The following ZNF26 variants were observed in gnomAD, a reference collection of about 807,000 sequenced individuals.
ZNF26 encodes zinc finger protein 26, also known as epididymis luminal protein 179.
ZNF26 carries 32 observed loss-of-function variants against 54.9 expected under a neutral mutation model. The observed-to-expected ratio is 0.58, with a 90% CI of 0.44 to 0.78. ZNF26 has a LOEUF of 0.78. Among genes scored for constraint, ZNF26 ranks in the 30% least tolerant of loss-of-function variants. The pLI, the probability that ZNF26 is intolerant of heterozygous loss-of-function variation, is 0.00. For synonymous variants in ZNF26, 221 were observed against 209.2 expected (o/e 1.06, Z -0.49); for missense variants, 524 against 634.0 (o/e 0.83, Z 1.86).
Position 133,010,938 on chromosome 12 carries a change from G to T in ZNF26, c.1059G>T (p.Met353Ile). Reference protein sequence around the residue: ...QCSDCGKAFNMKTQLIVHQGV... With the variant: ...QCSDCGKAFNIKTQLIVHQGV... ...GTGATTGTGGGAAAGCCTTCAATATGAAGACACAACTCATTGTACATCAGG... is the reference window on the plus strand; with the variant it reads ...GTGATTGTGGGAAAGCCTTCAATATTAAGACACAACTCATTGTACATCAGG... The change falls in exon 4 of 4, where the codon ATG becomes ATT. Residue 353 changes from methionine (M) to isoleucine (I), a missense_variant. Coordinates refer to ENST00000328654, the MANE Select transcript of ZNF26 (RefSeq NM_019591.4). The T allele has an allele frequency of 6.2e-7, 1 of 1,614,042 alleles. No homozygotes were observed. Among genetic ancestry groups the T allele is most frequent in the South Asian group, 1.1e-5 (1 of 91,072 alleles).
In ZNF26 at chr12:133,017,683, C is replaced by G. The variant is rs1346761987; in HGVS notation, c.*6202C>G. On this transcript the variant is annotated 3_prime_UTR_variant, in exon 4 of 4. Transcript: ENST00000328654. ...AATTATGTAATAATAAAAGATAGTG[C>G]AAGTGCAGATTTCTTATTTTATTAG... The G allele has an allele frequency of 2.6e-5, 4 of 152,290 alleles. No individual in the cohort carries two copies. Among genetic ancestry groups the G allele is most frequent in the African/African-American group, 7.2e-5 (3 of 41,556 alleles). The allele number at this position is 152,290 out of a possible 1,614,324, so 9.4% of individuals were successfully genotyped here.
At chr12:133,007,219 C>A in intron 2 of ZNF26, 51 bp downstream of exon 2, 1 of 1,595,914 alleles carries the variant, frequency 6.3e-7, no homozygotes, top group Non-Finnish European at 8.6e-7. Flanking sequence ...AAATTGCCAT[C>A]CCTTTTTTTG....
chr12:133,015,443 C>T lies in ZNF26; in HGVS notation c.*3962C>T, dbSNP rs1002299160. Reference sequence around the variant, plus strand: ...ACTGTGGCATGTATCTATGTCTTCACTTGCATCGGCCTCAATTATCAACTT... The same window carrying T: ...ACTGTGGCATGTATCTATGTCTTCATTTGCATCGGCCTCAATTATCAACTT... On this transcript the variant is annotated 3_prime_UTR_variant, in exon 4 of 4. Transcript: ENST00000328654. 1 of 151,278 alleles carries T rather than the reference C, an allele frequency of 6.6e-6. No homozygotes were observed. The highest frequency in any genetic ancestry group is 1.5e-5 in the Non-Finnish European group (1 of 67,928). The allele number at this position is 151,278 out of a possible 1,614,324, so 9.4% of individuals were successfully genotyped here. A position where few individuals can be genotyped will look rare whatever the true frequency, so the allele number is the denominator to read the frequency against.
At chr12:133,002,144 C>G (rs1189978480) in intron 1 of ZNF26, among the ~76,000 whole-genome samples, 1 of 152,134 alleles carries the variant, frequency 6.6e-6, no homozygotes, top group African/African-American at 2.4e-5. Flanking sequence ...TATCTTCTTT[C>G]TCCGTTTGTT....
Position 133,011,433 on chromosome 12 carries a change from C to T in ZNF26, c.1554C>T (p.Ser518=). The T allele has an allele frequency of 6.3e-7, 1 of 1,586,852 alleles. No homozygotes were observed. Among genetic ancestry groups the T allele is most frequent in the Non-Finnish European group, 8.6e-7 (1 of 1,169,008 alleles). Residue 518 remains serine, a synonymous_variant, in exon 4 of 4, where the codon TCC becomes TCT. Transcript: ENST00000328654. ...KPWKCSECGK[S]FCWNSGLRIH... ...GGAAATGCTCTGAATGTGGGAAATC[C>T]TTCTGTTGGAATTCAGGGCTTCGTA...
rs1593674573 is a variant in ZNF26 at position 133,012,996 on chromosome 12, A to G, written c.*1515A>G. On this transcript the variant is annotated 3_prime_UTR_variant, in exon 4 of 4. Transcript: ENST00000328654. Reference sequence around the variant, plus strand: ...TGTTTGTTTTTCCTGAGACAAGAAAATCACATTCTTGTTTATATTTGAAGA... The same window carrying G: ...TGTTTGTTTTTCCTGAGACAAGAAAGTCACATTCTTGTTTATATTTGAAGA... The G allele has an allele frequency of 1.3e-5, 2 of 152,168 alleles. No homozygotes were observed. Among genetic ancestry groups the G allele is most frequent in the East Asian group, 3.9e-4 (2 of 5,194 alleles). 9.4% of individuals were successfully genotyped at this position (152,168 alleles called of 1,614,324 possible). A position where few individuals can be genotyped will look rare whatever the true frequency, so the allele number is the denominator to read the frequency against.
At chr12:133,000,897 G>C (rs1465574865) in intron 1 of ZNF26, among the ~76,000 whole-genome samples, 8 of 152,050 alleles carry the variant, frequency 5.3e-5, no homozygotes, top group African/African-American at 1.4e-4. Flanking sequence ...ATAGTAAAAG[G>C]CTTTAAATAA....
rs1953221923 is a variant in ZNF26, at chr12:133,001,664, G to A, written c.34-5378G>A. On this transcript the variant is annotated intron_variant, in intron 1 of 3. Transcript: ENST00000328654. This position sits in a 1 kb window ranked among gnomAD's most constrained non-coding sequence, Gnocchi z 4.7. Reference sequence around the variant, plus strand: ...CTGCTGAGGAGGAGCCTGCTAATGAGCTCAAGTGTCAAGTTCGGGAATCTT... The same window carrying A: ...CTGCTGAGGAGGAGCCTGCTAATGAACTCAAGTGTCAAGTTCGGGAATCTT... 2 of 1,289,042 alleles carry A rather than the reference G, an allele frequency of 1.6e-6. No homozygotes were observed. The highest frequency in any genetic ancestry group is 2.0e-6 in the Non-Finnish European group (2 of 988,708). 79.9% of individuals were successfully genotyped at this position (1,289,042 alleles called of 1,614,324 possible).
Position 133,010,943 on chromosome 12 carries a change from C to T in ZNF26, c.1064C>T (p.Thr355Ile), listed in dbSNP as rs1953458125. 6.2e-7 allele frequency: 1 copy of T among 1,614,152 alleles called. No individual in the cohort carries two copies. Among genetic ancestry groups the T allele is most frequent in the South Asian group, 1.1e-5 (1 of 91,086 alleles). ...SDCGKAFNMK[T>I]QLIVHQGVHT... Reference sequence around the variant, plus strand: ...TGTGGGAAAGCCTTCAATATGAAGACACAACTCATTGTACATCAGGGAGTT... The same window carrying T: ...TGTGGGAAAGCCTTCAATATGAAGATACAACTCATTGTACATCAGGGAGTT... Residue 355 changes from threonine to isoleucine, a missense_variant, in exon 4 of 4, where the codon ACA (threonine) becomes ATA (isoleucine). Physicochemically the swap from Thr to Ile is moderately conservative, Grantham distance 89. Transcript: ENST00000328654.
intron 3 of ZNF26, among the ~76,000 whole-genome samples, chr12:133,008,697 A>G (rs1483964899): frequency 6.8e-6 from 1 of 147,566 alleles, no homozygotes; most frequent in African/African-American, 2.5e-5. Flanking sequence ...AATGGTGTGA[A>G]CCCAGGAGGC....
intron 1 of ZNF26, among the ~76,000 whole-genome samples, chr12:133,003,325 G>A (rs1452575870): frequency 1.3e-5 from 2 of 150,488 alleles, no homozygotes; most frequent in African/African-American, 4.9e-5. Flanking sequence ...CGCAATCTCG[G>A]CACACTGCAA....
chr12:133,002,181 A>G (rs1217389562), intron 1 of ZNF26, among the ~76,000 whole-genome samples: 1 of 152,008 alleles, frequency 6.6e-6, no homozygotes, highest in Non-Finnish European at 1.5e-5. Context: ...ACCTCCTTAA[A>G]GGGAAAGTTC....
intron 1 of ZNF26, among the ~76,000 whole-genome samples, chr12:132,991,923 G>A (rs769949947): frequency 2.6e-5 from 4 of 152,026 alleles, no homozygotes; most frequent in African/African-American, 7.2e-5. Flanking sequence ...TGAGGCCGGC[G>A]GGTCATTTGA....
intron 1 of ZNF26, among the ~76,000 whole-genome samples, chr12:132,989,028 ATTT>A (rs150395603): frequency 2.8e-3 from 223 of 78,810 alleles, no homozygotes; most frequent in Middle Eastern, 0.029. Flanking sequence ...CTTTCGGTGA[ATTT>A]TTTTTTTTTT....
At position 133,021,954 on chromosome 12, in the gene ZNF26, C is replaced by CAA. The variant is rs1953649131; in HGVS notation, c.*10474_*10475insAA. On this transcript the variant is annotated 3_prime_UTR_variant, in exon 4 of 4. Coordinates refer to ENST00000328654, the MANE Select transcript of ZNF26 (RefSeq NM_019591.4). ...TAAAAAGAGGCCAGGTGTGGTGACT[C>CAA]ACGCCTGTAATCCCAGCACTTTGGA... is the stretch of plus-strand genomic sequence containing the variant. 1 of 152,090 alleles carries CAA rather than the reference C, an allele frequency of 6.6e-6. No individual in the cohort carries two copies. The highest frequency in any genetic ancestry group is 2.4e-5 in the African/African-American group (1 of 41,404). The allele number at this position is 152,090 out of a possible 1,614,324, so 9.4% of individuals were successfully genotyped here. A position where few individuals can be genotyped will look rare whatever the true frequency, so the allele number is the denominator to read the frequency against.
intron 1 of ZNF26, chr12:132,987,655 T>G: frequency 1.0e-6 from 1 of 975,212 alleles, no homozygotes; most frequent in South Asian, 4.7e-5. Context: ...ATCCAATGCC[T>G]GTATTTCAGC....
In ZNF26 at chr12:133,024,578, A is replaced by G. The variant is rs1023067269; in HGVS notation, c.*13097A>G. ...CTTTTCAGCTTGTAAAGCATTCTCA[A>G]AGTACGAAAGCTCCTCAGGGAAAAG... On this transcript the variant is annotated 3_prime_UTR_variant, in exon 4 of 4. Coordinates refer to ENST00000328654, the MANE Select transcript of ZNF26 (RefSeq NM_019591.4). 1 of 152,184 alleles carries G rather than the reference A, an allele frequency of 6.6e-6. No individual in the cohort carries two copies. Among genetic ancestry groups the G allele is most frequent in the East Asian group, 1.9e-4 (1 of 5,190 alleles). 9.4% of individuals were successfully genotyped at this position (152,184 alleles called of 1,614,324 possible). A position where few individuals can be genotyped will look rare whatever the true frequency, so the allele number is the denominator to read the frequency against.
At position 133,025,127 on chromosome 12, in the gene ZNF26, C is replaced by T. The variant is rs1334487587; in HGVS notation, c.*13646C>T. 2 of 152,110 alleles carry T rather than the reference C, an allele frequency of 1.3e-5. No homozygotes were observed. The highest frequency in any genetic ancestry group is 6.6e-5 in the Admixed American group (1 of 15,264). The allele number at this position is 152,110 out of a possible 1,614,324, so 9.4% of individuals were successfully genotyped here. A position where few individuals can be genotyped will look rare whatever the true frequency, so the allele number is the denominator to read the frequency against. On this transcript the variant is annotated 3_prime_UTR_variant, in exon 4 of 4. Transcript: ENST00000328654. Reference sequence around the variant, plus strand: ...GAAAGCAGAACCAAACCCTAATCACCGAACTGGTAATGGGTACCCAGTAGG... The same window carrying T: ...GAAAGCAGAACCAAACCCTAATCACTGAACTGGTAATGGGTACCCAGTAGG...
chr12:133,010,857 G>A lies in ZNF26; in HGVS notation c.978G>A (p.Lys326=). The change falls in exon 4 of 4, where the codon AAG becomes AAA. Residue 326 remains lysine, a synonymous_variant. Transcript: ENST00000328654. ...CSECGKAFRS[K]SYLLVHIRMH... ...AATGTGGGAAAGCCTTTAGGAGTAA[G>A]TCCTATCTCCTTGTTCACATCCGAA... 6.2e-7 allele frequency: 1 copy of A among 1,614,120 alleles called. No individual in the cohort carries two copies. The highest frequency in any genetic ancestry group is 1.1e-5 in the South Asian group (1 of 91,090).
Sources: gnomAD v4.1 joint callset for allele counts (sites outside exome capture counted in the v4.1 genomes callset) on GRCh38, gnomAD v4.1.1 for gene constraint, Gnocchi (gnomAD v3.1) non-coding constraint, MANE v1.5 for transcripts, NCBI Gene and HGNC (gene_info 2026-07-23, HGNC 2026-07-21) for gene names.